Variants in EXOC4 observed in about 807,000 individuals in gnomAD.
EXOC4 encodes exocyst complex component 4.
Under a neutral mutation model 107.2 loss-of-function variants are expected in EXOC4, and 71 were observed. That is an observed-to-expected ratio of 0.66 (90% CI 0.55 to 0.81). The LOEUF (loss-of-function observed/expected upper bound fraction) is 0.81. Among genes scored for constraint, EXOC4 ranks in the 30% least tolerant of loss-of-function variants. The pLI, the probability that EXOC4 is intolerant of heterozygous loss-of-function variation, is 0.00. For synonymous variants in EXOC4, 456 were observed against 441.2 expected (o/e 1.03, Z -0.42); for missense variants, 1,108 against 1,189.6 (o/e 0.93, Z 1.01).
At position 134,027,041 on chromosome 7, in the gene EXOC4, A is replaced by AGG. The variant is rs574791985; in HGVS notation, c.2687+19213_2687+19214dup. Among the ~76,000 whole-genome samples the AGG allele has an allele frequency of 3.3e-5, 5 of 151,802 alleles. No individual in the cohort carries two copies. In the East Asian group the frequency reaches 7.7e-4, roughly 23 times the overall value. On this transcript the variant is annotated intron_variant, in intron 17 of 17. Transcript: ENST00000253861. ...TGACAAATGGGTGTTTTAGTGATTA[A>AGG]GGGGGGGGATTCACACAAAAATAAA...
chr7:134,090,118 C>T, the EXOC4 span, among the ~76,000 whole-genome samples: 2 of 152,158 alleles, frequency 1.3e-5, no homozygotes, highest in African/African-American at 4.8e-5. Context: ...TTGATTTAAG[C>T]ACTTATTTTT....
intron 9 of EXOC4, among the ~76,000 whole-genome samples, chr7:133,626,778 T>C (rs1250342725): frequency 6.6e-6 from 1 of 152,192 alleles, no homozygotes; most frequent in East Asian, 1.9e-4. Flanking sequence ...TCTGACGTTT[T>C]ATTTTTGGTA....
chr7:133,305,874 C>G lies in EXOC4; in HGVS notation c.472-3C>G. 6.3e-7 allele frequency: 1 copy of G among 1,575,552 alleles called. No individual in the cohort carries two copies. ...ATTGTCTTTCATTTTTTTCTCTTTT[C>G]AGGTGTCAGCAGTTGAGTCTTTGGA... On this transcript the variant is annotated splice_polypyrimidine_tract_variant and splice_region_variant and intron_variant, in intron 3 of 17. Coordinates refer to ENST00000253861, the MANE Select transcript of EXOC4 (RefSeq NM_021807.4).
chr7:133,684,835 G>C (rs1347013415), intron 10 of EXOC4, among the ~76,000 whole-genome samples: 2 of 152,132 alleles, frequency 1.3e-5, no homozygotes, highest in Admixed American at 1.3e-4. Context: ...TTTAACAGCT[G>C]GATCACTACT....
chr7:133,737,007 ATCTT>A (rs1795457938), intron 10 of EXOC4, among the ~76,000 whole-genome samples: 1 of 152,120 alleles, frequency 6.6e-6, no homozygotes, highest in Admixed American at 6.5e-5. Context: ...TTTAAATTTT[ATCTT>A]TCTTTTTGTC....
intron 10 of EXOC4, among the ~76,000 whole-genome samples, chr7:133,710,599 G>A (rs901947273): frequency 6.8e-6 from 1 of 148,084 alleles, no homozygotes; most frequent in African/African-American, 2.5e-5. Flanking sequence ...GGCGGAGCTT[G>A]CAGTGAGCCG....
At chr7:133,576,010 G>A (rs182660591) in intron 9 of EXOC4, among the ~76,000 whole-genome samples, 94 of 152,242 alleles carry the variant, frequency 6.2e-4, no homozygotes, top group African/African-American at 2.2e-3. Flanking sequence ...CTGGACCTCC[G>A]CTTACTCCTT....
chr7:133,584,878 G>A (rs1801366169), intron 9 of EXOC4, among the ~76,000 whole-genome samples: 1 of 151,998 alleles, frequency 6.6e-6, no homozygotes, highest in South Asian at 2.1e-4. Flanking sequence ...GCCTGGTCCA[G>A]ACTTTTATCT....
intron 5 of EXOC4, among the ~76,000 whole-genome samples, chr7:133,333,159 T>G (rs1393091606): frequency 1.3e-5 from 2 of 152,232 alleles, no homozygotes; most frequent in Non-Finnish European, 2.9e-5. Flanking sequence ...CTTCATGTAT[T>G]TCTATATTCA....
intron 12 of EXOC4, among the ~76,000 whole-genome samples, chr7:133,912,089 T>C (rs966018733): frequency 6.6e-6 from 1 of 152,228 alleles, no homozygotes; most frequent in Non-Finnish European, 1.5e-5. Flanking sequence ...ATTGTTAGCT[T>C]ACAGGACATA....
chr7:133,857,820 C>T (rs115877884), intron 11 of EXOC4, among the ~76,000 whole-genome samples: 5,306 of 152,130 alleles, frequency 0.035, 328 homozygotes, highest in African/African-American at 0.12. Flanking sequence ...GGTGTGGAGG[C>T]GCTCTGCAGC....
intron 10 of EXOC4, among the ~76,000 whole-genome samples, chr7:133,808,833 A>G (rs1413090645): frequency 2.6e-5 from 4 of 152,104 alleles, no homozygotes; most frequent in Non-Finnish European, 4.4e-5. Context: ...TAAATAGTCC[A>G]TGATTTCCCT....
At chr7:133,304,860 A>G (rs1456251780) in intron 3 of EXOC4, among the ~76,000 whole-genome samples, 2 of 152,240 alleles carry the variant, frequency 1.3e-5, no homozygotes, top group East Asian at 3.9e-4. Flanking sequence ...TAACCAAAGC[A>G]GGGAATAATA....
chr7:133,617,615 TGG>T (rs1348964044), intron 9 of EXOC4, among the ~76,000 whole-genome samples: 3 of 152,128 alleles, frequency 2.0e-5, no homozygotes, highest in Non-Finnish European at 4.4e-5. Flanking sequence ...CTGTGCAACC[TGG>T]GGAGTCTGAC....
At chr7:134,089,585 G>A in the EXOC4 span, among the ~76,000 whole-genome samples, 1 of 152,190 alleles carries the variant, frequency 6.6e-6, no homozygotes, top group Non-Finnish European at 1.5e-5. Flanking sequence ...AAGCATCATA[G>A]TGGTATTCTA....
intron 14 of EXOC4, among the ~76,000 whole-genome samples, chr7:133,993,863 A>G (rs1794316536): frequency 1.3e-5 from 2 of 152,236 alleles, no homozygotes; most frequent in African/African-American, 4.8e-5. Context: ...CAAAAGCCAC[A>G]AAAGACTCTA....
intron 14 of EXOC4, among the ~76,000 whole-genome samples, chr7:133,972,958 C>G (rs1216417274): frequency 6.6e-6 from 1 of 152,232 alleles, no homozygotes; most frequent in Non-Finnish European, 1.5e-5. Context: ...CTGTTACACA[C>G]ATAGACAGGG....
At chr7:133,276,992 A>G (rs186022381) in intron 2 of EXOC4, among the ~76,000 whole-genome samples, 1 of 151,220 alleles carries the variant, frequency 6.6e-6, no homozygotes, top group Admixed American at 6.6e-5. Context: ...ACGGAGTTTA[A>G]TTCTTGTTGC....
downstream of EXOC4, chr7:134,065,893 G>A (rs932310631): frequency 5.9e-5 from 9 of 152,186 alleles, no homozygotes; most frequent in African/African-American, 2.2e-4. Context: ...AAGAGTGTGG[G>A]AACTGGACTG....
Sources: allele counts gnomAD v4.1 joint callset (sites outside exome capture counted in the v4.1 genomes callset), GRCh38; gene constraint gnomAD v4.1.1; transcripts MANE v1.5; gene names NCBI Gene and HGNC (gene_info 2026-07-23, HGNC 2026-07-21).